The following PITRM1 variants were observed in gnomAD, a reference collection of about 807,000 sequenced individuals.
PITRM1 encodes presequence protease, mitochondrial.
A neutral mutation model predicts 129.9 loss-of-function variants in PITRM1; 100 were observed. That is an observed-to-expected ratio of 0.77 (90% CI 0.65 to 0.91). The LOEUF (loss-of-function observed/expected upper bound fraction) is 0.91. Among genes scored for constraint, PITRM1 ranks in the 40% least tolerant of loss-of-function variants. The pLI is 0.00. For missense variants in PITRM1, 1,471 were observed against 1,318.3 expected (o/e 1.12, Z -1.79); for synonymous variants, 591 against 508.8 (o/e 1.16, Z -2.17).
Position 3,163,721 on chromosome 10 carries a change from T to C in PITRM1, c.791+4A>G, listed in dbSNP as rs370035034. The C allele has an allele frequency of 5.7e-6, 9 of 1,589,158 alleles. No homozygotes were observed. On this transcript the variant is annotated splice_donor_region_variant and intron_variant, in intron 7 of 26. Coordinates refer to ENST00000224949, the MANE Select transcript of PITRM1 (RefSeq NM_014889.4). ...ACCATCAAACTTTTCCAACAAAATA[T>C]TACCTAGCATTGCTTGGGTGATAGT... is the stretch of plus-strand genomic sequence containing the variant.
chr10:3,145,558 C>A (rs1169210092), intron 21 of PITRM1, 38 bp downstream of exon 21: 1 of 1,535,490 alleles, frequency 6.5e-7, no homozygotes, highest in Non-Finnish European at 8.8e-7. Context: ...CTGGCACCCA[C>A]CAGGCGCTCA....
chr10:3,153,413 G>A (rs2132432489), intron 14 of PITRM1, among the ~76,000 whole-genome samples: 1 of 152,256 alleles, frequency 6.6e-6, no homozygotes, highest in East Asian at 1.9e-4. Context: ...AAAAGAGTAA[G>A]GTTAAAAAAT....
Position 3,158,152 on chromosome 10 carries a change from A to T in PITRM1, c.1138T>A (p.Tyr380Asn), listed in dbSNP as rs781238525. ...TAGGCCTCCCTCGTGTAGCCATTAT[A>T]TCTAGAAGACAAAACCAGAAATGAT... ...LGTDFSPDVG[Y>N]NGYTREAYFS... The change falls in exon 11 of 27, where the codon TAT becomes AAT. Residue 380 changes from tyrosine to asparagine, a missense_variant and splice_region_variant. Transcript: ENST00000224949. 6.4e-7 allele frequency: 1 copy of T among 1,558,384 alleles called. No individual in the cohort carries two copies.
chr10:3,144,399 A>T, intron 21 of PITRM1, 33 bp from the exon 22 acceptor site: 1 of 1,320,476 alleles, frequency 7.6e-7, no homozygotes, highest in Non-Finnish European at 1.1e-6. Context: ...AAAAGAGAAA[A>T]ATCCAGAACT....
chr10:3,143,944 T>A (rs576648243), intron 22 of PITRM1: 10 of 515,550 alleles, frequency 1.9e-5, no homozygotes, highest in Non-Finnish European at 3.2e-5. Flanking sequence ...GTCAGACCGC[T>A]CCACTGGCAT....
At chr10:3,142,626 G>A (rs912210787) in intron 23 of PITRM1, among the ~76,000 whole-genome samples, 1 of 152,240 alleles carries the variant, frequency 6.6e-6, no homozygotes, top group African/African-American at 2.4e-5. Context: ...GGAAGAAGGG[G>A]CTGGAGGGCC....
In PITRM1 at chr10:3,148,151, G is replaced by C. The variant is rs759296744; in HGVS notation, c.1992+20C>G. ...AGAAAAGCTTCCCACCGCAGCAGTC[G>C]TCTGACGGTACCAGGCTACCTGCTC... On this transcript the variant is annotated intron_variant, in intron 17 of 26. Transcript: ENST00000224949. 2 of 1,613,906 alleles carry C rather than the reference G, an allele frequency of 1.2e-6. No individual in the cohort carries two copies. Among genetic ancestry groups the C allele is most frequent in the Admixed American group, 1.7e-5 (1 of 60,018 alleles).
rs535922934 is a variant in PITRM1 at position 3,144,407 on chromosome 10, A to G, written c.2458-41T>C. The G allele has an allele frequency of 5.7e-6, 7 of 1,222,996 alleles. No homozygotes were observed. In the East Asian group the frequency reaches 1.5e-4, roughly 27 times the overall value. 75.8% of individuals were successfully genotyped at this position (1,222,996 alleles called of 1,614,324 possible). A position where few individuals can be genotyped will look rare whatever the true frequency, so the allele number is the denominator to read the frequency against. On this transcript the variant is annotated intron_variant, in intron 21 of 26. Coordinates refer to ENST00000224949, the MANE Select transcript of PITRM1 (RefSeq NM_014889.4). The stretch of plus-strand genomic sequence containing the variant: ...CCAAGAGAAAAGAGAAAAATCCAGA[A>G]CTCACTTGAAATATATAAGAAGTAA...
chr10:3,164,732 C>G (rs1214357216), intron 6 of PITRM1, among the ~76,000 whole-genome samples: 2 of 152,174 alleles, frequency 1.3e-5, no homozygotes, highest in African/African-American at 2.4e-5. Context: ...TAAGGTAAGC[C>G]ATCATTACAT....
chr10:3,155,422 C>T (rs574279900), intron 14 of PITRM1, among the ~76,000 whole-genome samples, 169 bp downstream of exon 14: 15 of 152,302 alleles, frequency 9.8e-5, no homozygotes, highest in African/African-American at 3.6e-4. Flanking sequence ...GCTACACGGG[C>T]GATTTTCTGA....
intron 15 of PITRM1, 133 bp downstream of exon 15, chr10:3,151,103 GTAGAGCGAGAC>G (rs1383634199): frequency 1.5e-6 from 1 of 652,328 alleles, no homozygotes; most frequent in Non-Finnish European, 2.8e-6. Context: ...GAAGAATCGT[GTAGAGCGAGAC>G]TATGAACGCA....
At chr10:3,163,516 A>C in intron 7 of PITRM1, 1 of 437,166 alleles carries the variant, frequency 2.3e-6, no homozygotes, top group South Asian at 2.7e-5. Context: ...GTTTGTAACC[A>C]CCATGCTGAG....
intron 8 of PITRM1, 36 bp from the exon 9 acceptor site, chr10:3,159,972 G>A: frequency 1.4e-6 from 2 of 1,456,414 alleles, no homozygotes; most frequent in Non-Finnish European, 1.9e-6. Flanking sequence ...TAGGCACAGT[G>A]TCTGACGGTT....
chr10:3,146,589 G>A (rs1368184523), intron 20 of PITRM1: 1 of 152,508 alleles, frequency 6.6e-6, no homozygotes, highest in Admixed American at 6.5e-5. Context: ...GGGATTCTCA[G>A]GACATGACTG....
Position 3,139,052 on chromosome 10 carries a change from A to G in PITRM1, c.2772-3T>C, listed in dbSNP as rs763896710. On this transcript the variant is annotated splice_polypyrimidine_tract_variant and splice_region_variant and intron_variant, in intron 24 of 26. Coordinates refer to ENST00000224949, the MANE Select transcript of PITRM1 (RefSeq NM_014889.4). ...GCGTCTCTATTGTATTTGGGTCCCT[A>G]GGAAACCCAGAGAAATAAACGGGCA... The G allele has an allele frequency of 8.7e-6, 14 of 1,612,910 alleles. No individual in the cohort carries two copies. The highest frequency in any genetic ancestry group is 1.3e-5 in the African/African-American group (1 of 74,876).
chr10:3,167,448 G>C (rs115355700), intron 2 of PITRM1, among the ~76,000 whole-genome samples: 2,571 of 152,198 alleles, frequency 0.017, 59 homozygotes, highest in African/African-American at 0.05. Context: ...ATTTACAGAC[G>C]AAAAAACCGA....
chr10:3,165,778 ACT>A (rs1201287573), intron 4 of PITRM1, among the ~76,000 whole-genome samples: 3 of 151,918 alleles, frequency 2.0e-5, no homozygotes, highest in African/African-American at 4.8e-5. Context: ...GAATATCTAA[ACT>A]CTCTCAAGTT....
chr10:3,141,202 G>C (rs1034415644), intron 23 of PITRM1, among the ~76,000 whole-genome samples: 1 of 152,214 alleles, frequency 6.6e-6, no homozygotes, highest in African/African-American at 2.4e-5. Context: ...TCAAAGTGCT[G>C]AGCTTACAGG....
intron 7 of PITRM1, 28 bp downstream of exon 7, chr10:3,163,697 C>T: frequency 1.3e-6 from 2 of 1,570,904 alleles, no homozygotes; most frequent in African/African-American, 1.4e-5. Context: ...TCACAATCCA[C>T]CATCAAACTT....
Sources: gnomAD v4.1 joint callset for allele counts (sites outside exome capture counted in the v4.1 genomes callset) on GRCh38, gnomAD v4.1.1 for gene constraint, MANE v1.5 for transcripts, NCBI Gene and HGNC (gene_info 2026-07-23, HGNC 2026-07-21) for gene names.